ZER1: variants seen among roughly 807,000 people sequenced by gnomAD.
ZER1 encodes protein zer-1 homolog.
In ZER1, 11 loss-of-function variants were observed where a neutral mutation model predicts 78.8. The observed-to-expected ratio is 0.14, with a 90% CI of 0.09 to 0.23. ZER1 has a LOEUF of 0.23. Ranked by LOEUF, ZER1 falls within the 10% of genes least tolerant of loss-of-function variation. The probability of loss-of-function intolerance (pLI) is 1.00; values close to 1 mark genes in which losing one functional copy is unlikely to be tolerated. For synonymous variants in ZER1, 400 were observed against 407.0 expected (o/e 0.98, Z 0.21); for missense variants, 588 against 996.9 (o/e 0.59, Z 5.52).
In ZER1 at chr9:128,732,364, T is replaced by C. The variant is rs1862858957; in HGVS notation, c.2244-970A>G. Among the ~76,000 whole-genome samples the C allele has an allele frequency of 1.3e-5, 2 of 152,266 alleles. No homozygotes were observed. Among genetic ancestry groups the C allele is most frequent in the Admixed American group, 1.3e-4 (2 of 15,284 alleles). On this transcript the variant is annotated intron_variant, in intron 15 of 15. Transcript: ENST00000291900. The surrounding 1 kb of genome is among the most constrained non-coding windows in gnomAD (Gnocchi z 4.8). ...AAAACCTAGGGGTGGGCCCCGTCCATTTATTTTTAAATTTTATTTTTTTGA... is the reference window on the plus strand; with the variant it reads ...AAAACCTAGGGGTGGGCCCCGTCCACTTATTTTTAAATTTTATTTTTTTGA...
In ZER1 at chr9:128,740,809, G is replaced by C. The variant is rs2298043; in HGVS notation, c.1816C>G (p.Pro606Ala). The C allele has an allele frequency of 2.2e-4, 174 of 781,034 alleles. 1 individual carries two copies. The East Asian group carries it at 4.1e-3, about 19-fold the overall frequency. 48.4% of individuals were successfully genotyped at this position (781,034 alleles called of 1,614,324 possible). Residue 606 changes from proline (P) to alanine (A), a missense_variant, in exon 12 of 16, where the codon CCT (proline) becomes GCT (alanine). Pro to Ala is a conservative substitution (Grantham distance 27). Coordinates refer to ENST00000291900, the MANE Select transcript of ZER1 (RefSeq NM_006336.4). This position sits in a 1 kb window ranked among gnomAD's most constrained non-coding sequence, Gnocchi z 4.4. The part of the protein sequence containing the change: ...GNVAEVKELR[P>A]QLMTSQFISV... ...ATGAACTGGGAAGTCATTAGTTGAG[G>C]CCTCAGCTCCTTCACTTCTGCCACA...
intron 1 of ZER1, among the ~76,000 whole-genome samples, chr9:128,762,167 G>A (rs954213792): frequency 6.6e-5 from 10 of 150,620 alleles, no homozygotes; most frequent in Admixed American, 4.6e-4. Flanking sequence ...TTTACGTGTC[G>A]CCCAAGACAG....
intron 1 of ZER1, among the ~76,000 whole-genome samples, chr9:128,762,646 A>AT (rs1239736052): frequency 6.6e-6 from 1 of 152,158 alleles, no homozygotes; most frequent in Non-Finnish European, 1.5e-5. Flanking sequence ...AACCGTTATT[A>AT]TGTTGTTGTT....
intron 10 of ZER1, 47 bp from the exon 11 acceptor site, chr9:128,741,701 AG>A (rs766316988): frequency 6.2e-7 from 1 of 1,613,654 alleles, no homozygotes; most frequent in Non-Finnish European, 8.5e-7. Flanking sequence ...GTACCCGGGG[AG>A]GGGGGCCCCT....
intron 8 of ZER1, among the ~76,000 whole-genome samples, chr9:128,748,802 C>T (rs1349043788): frequency 6.6e-6 from 1 of 151,382 alleles, no homozygotes; most frequent in African/African-American, 2.4e-5. Context: ...GAACTCCTGA[C>T]TTCAGGTGAT....
intron 1 of ZER1, among the ~76,000 whole-genome samples, chr9:128,767,087 T>TGTGA (rs1240806918): frequency 6.6e-6 from 1 of 150,944 alleles, no homozygotes; most frequent in African/African-American, 2.4e-5. Flanking sequence ...GGATTACAGG[T>TGTGA]GCCCGCCACC....
chr9:128,752,082 T>C (rs1408622598), intron 5 of ZER1, among the ~76,000 whole-genome samples: 1 of 152,186 alleles, frequency 6.6e-6, no homozygotes, highest in Non-Finnish European at 1.5e-5. Context: ...TTCCCTCTGC[T>C]AGAACACGCT....
chr9:128,739,064 C>CTGGT (rs1240261628), intron 13 of ZER1, among the ~76,000 whole-genome samples: 1 of 150,256 alleles, frequency 6.7e-6, no homozygotes, highest in African/African-American at 2.4e-5. Flanking sequence ...GTTGGGCAGG[C>CTGGT]TGGTCTTGAA....
Position 128,737,713 on chromosome 9 carries a change from T to C in ZER1, c.2042+2218A>G, listed in dbSNP as rs530811501. On this transcript the variant is annotated intron_variant, in intron 13 of 15. Coordinates refer to ENST00000291900, the MANE Select transcript of ZER1 (RefSeq NM_006336.4). ...CGATTCTTGTTTTCTTCTTCTTCTTTTTTTTTTGAGATGGAGTATCACTCT... is the reference window on the plus strand; with the variant it reads ...CGATTCTTGTTTTCTTCTTCTTCTTCTTTTTTTGAGATGGAGTATCACTCT... 7.9e-5 allele frequency among the ~76,000 whole-genome samples: 12 copies of C among 152,242 alleles called. No individual in the cohort carries two copies. The South Asian group carries it at 2.1e-3, about 26-fold the overall frequency.
chr9:128,768,563 C>T (rs1234245465), intron 1 of ZER1, among the ~76,000 whole-genome samples: 2 of 152,286 alleles, frequency 1.3e-5, no homozygotes, highest in African/African-American at 4.8e-5. Flanking sequence ...CGCAGGTCAC[C>T]AGCCTGGGGT....
chr9:128,768,130 T>A (rs946946391), intron 1 of ZER1, among the ~76,000 whole-genome samples: 6 of 152,154 alleles, frequency 3.9e-5, no homozygotes, highest in Admixed American at 6.6e-5. Context: ...CCCTTCTGCA[T>A]CTCTGAAGCT....
intron 1 of ZER1, among the ~76,000 whole-genome samples, chr9:128,769,949 C>A (rs1230743433): frequency 6.6e-6 from 1 of 152,178 alleles, no homozygotes; most frequent in East Asian, 1.9e-4. Context: ...AACCACCAGA[C>A]ACTTCAACAA....
chr9:128,752,495 ATTT>A (rs375643072), intron 5 of ZER1, among the ~76,000 whole-genome samples, 175 bp downstream of exon 5: 1 of 152,072 alleles, frequency 6.6e-6, no homozygotes, highest in African/African-American at 2.4e-5. Context: ...TAAATTTTGT[ATTT>A]TTAGTAGAAA....
intron 1 of ZER1, among the ~76,000 whole-genome samples, chr9:128,761,795 G>A (rs1451077470): frequency 1.3e-5 from 2 of 151,888 alleles, no homozygotes; most frequent in Non-Finnish European, 2.9e-5. Flanking sequence ...TAGTAGAGAT[G>A]GGGTTTCACC....
chr9:128,734,144 A>AAAAAAAATATATATATATAT, intron 14 of ZER1, among the ~76,000 whole-genome samples: 1 of 14,456 alleles, frequency 6.9e-5, no homozygotes, highest in Non-Finnish European at 1.4e-4. Context: ...AAAAAAAAAA[A>AAAAAAAATATATATATATAT]ATATATATAT....
rs542043917 is a variant in ZER1 at position 128,756,976 on chromosome 9, C to A, written c.-94-1317G>T. Among the ~76,000 whole-genome samples, 10 of 152,258 alleles carry A rather than the reference C, an allele frequency of 6.6e-5. No individual in the cohort carries two copies. In the South Asian group the frequency reaches 1.9e-3, roughly 28 times the overall value. Reference sequence around the variant, plus strand: ...AGCTAAAGATTTCCTAACTAGGACTCAAGAGGTGCTAACCAGGAGGTAGAA... The same window carrying A: ...AGCTAAAGATTTCCTAACTAGGACTAAAGAGGTGCTAACCAGGAGGTAGAA... On this transcript the variant is annotated intron_variant, in intron 1 of 15. Coordinates refer to ENST00000291900, the MANE Select transcript of ZER1 (RefSeq NM_006336.4).
intron 13 of ZER1, among the ~76,000 whole-genome samples, chr9:128,736,240 G>A (rs1863074109): frequency 6.7e-6 from 1 of 149,488 alleles, no homozygotes. Flanking sequence ...GTGAGCCACC[G>A]CGCCCGGCCT....
chr9:128,739,991 T>G lies in ZER1; in HGVS notation c.1982A>C (p.Glu661Ala), dbSNP rs1310497341. Residue 661 changes from glutamate to alanine, a missense_variant, in exon 13 of 16, where the codon GAA (glutamate) becomes GCA (alanine). Glu to Ala is a moderately radical substitution (Grantham distance 107, BLOSUM62 -1). Around this residue, in one of 3 missense-constraint regions of ZER1, gnomAD observed 122 missense variants for 173.5 expected, o/e 0.70. Coordinates refer to ENST00000291900, the MANE Select transcript of ZER1 (RefSeq NM_006336.4). ...VCEPQREEVE[E>A]RMWAAIQSWD... ...GCTCTGGATGGCAGCCCACATGCGT[T>G]CCTCCACCTCCTCACGCTGGGGCTC... 6.2e-7 allele frequency: 1 copy of G among 1,613,774 alleles called. No homozygotes were observed. Among genetic ancestry groups the G allele is most frequent in the Non-Finnish European group, 8.5e-7 (1 of 1,179,848 alleles).
chr9:128,749,627 T>A (rs1863611961), intron 8 of ZER1, among the ~76,000 whole-genome samples: 1 of 146,298 alleles, frequency 6.8e-6, no homozygotes, highest in African/African-American at 2.6e-5. Context: ...ATACATAAAT[T>A]AGGCAGGTGT....
Sources: gnomAD v4.1 joint callset for allele counts (sites outside exome capture counted in the v4.1 genomes callset) on GRCh38, gnomAD v4.1.1 for gene constraint, gnomAD v4.1.1 regional missense constraint, Gnocchi (gnomAD v3.1) non-coding constraint, MANE v1.5 for transcripts, NCBI Gene and HGNC (gene_info 2026-07-23, HGNC 2026-07-21) for gene names.